The following DGKI variants were observed in gnomAD, a reference collection of about 807,000 sequenced individuals.
DGKI encodes the protein DAG kinase iota.
DGKI carries 55 observed loss-of-function variants against 147.5 expected under a neutral mutation model. The observed-to-expected ratio is 0.37, with a 90% CI of 0.30 to 0.47. The LOEUF is 0.47. DGKI is among the 20% of genes least tolerant of loss of function. The pLI, the probability that DGKI is intolerant of heterozygous loss-of-function variation, is 1.00. For missense variants in DGKI, 1,007 were observed against 1,323.8 expected (o/e 0.76, Z 3.71); for synonymous variants, 469 against 477.1 (o/e 0.98, Z 0.22).
At chr7:137,843,503 C>CAA (rs1158006061) in intron 1 of DGKI, 1 of 818,550 alleles carries the variant, frequency 1.2e-6, no homozygotes, top group Non-Finnish European at 1.5e-6. Flanking sequence ...AAATGGTTCT[C>CAA]AAAAAAAGCC....
At chr7:137,434,486 CAGG>C (rs1813207079) in intron 28 of DGKI, among the ~76,000 whole-genome samples, 2 of 152,118 alleles carry the variant, frequency 1.3e-5, no homozygotes, top group Non-Finnish European at 2.9e-5. Context: ...AAGGCTGAGA[CAGG>C]AGAATTGCTT....
At chr7:137,519,712 T>C (rs974633953) in intron 21 of DGKI, among the ~76,000 whole-genome samples, 1 of 152,082 alleles carries the variant, frequency 6.6e-6, no homozygotes, top group East Asian at 1.9e-4. Flanking sequence ...TGTTTCAAGT[T>C]GGAACCAGGC....
chr7:137,725,857 G>A lies in DGKI; in HGVS notation c.402-35855C>T, dbSNP rs553360091. On this transcript the variant is annotated intron_variant, in intron 1 of 32. Transcript: ENST00000614521. The stretch of plus-strand genomic sequence containing the variant: ...CTCTCTTCTTCTCTTTAAATCTACT[G>A]ACTGATTTTTATTAGACCCAACGTG... Among the ~76,000 whole-genome samples, 7 of 152,176 alleles carry A rather than the reference G, an allele frequency of 4.6e-5. No individual in the cohort carries two copies. The South Asian group carries it at 1.5e-3, about 32-fold the overall frequency.
At position 137,485,387 on chromosome 7, in the gene DGKI, C is replaced by G; in HGVS notation, c.2360G>C (p.Arg787Thr). Residue 787 changes from arginine to threonine, a missense_variant, in exon 23 of 33, where the codon AGA (arginine) becomes ACA (threonine). Physicochemically the swap from Arg to Thr is moderately conservative, Grantham distance 71 (BLOSUM62 -1). This residue lies in a region of DGKI where 385 missense variants were observed against 445.2 expected (regional missense o/e 0.86). Transcript: ENST00000614521. ...ATTATTTGTTACCTGGTAATGAACTCTCTGGGAGCCAGAAGAAACTGACTG... is the reference window on the plus strand; with the variant it reads ...ATTATTTGTTACCTGGTAATGAACTGTCTGGGAGCCAGAAGAAACTGACTG... The part of the protein sequence containing the change: ...DLQSVSSGSQ[R>T]VHYQDHETSF... The G allele has an allele frequency of 6.2e-7, 1 of 1,609,332 alleles. No individual in the cohort carries two copies. The highest frequency in any genetic ancestry group is 8.5e-7 in the Non-Finnish European group (1 of 1,177,518).
chr7:137,596,306 A>T (rs1819797782), intron 12 of DGKI, among the ~76,000 whole-genome samples: 1 of 152,204 alleles, frequency 6.6e-6, no homozygotes, highest in Non-Finnish European at 1.5e-5. Context: ...AGGCAAGTAG[A>T]TGCTAAAATA....
chr7:137,625,353 G>A (rs979595468), intron 6 of DGKI, among the ~76,000 whole-genome samples: 11 of 152,062 alleles, frequency 7.2e-5, no homozygotes, highest in African/African-American at 2.2e-4. Context: ...CCAGCTACTC[G>A]GGAGGCTGAG....
In DGKI at chr7:137,609,572, G is replaced by T; in HGVS notation, c.1031C>A (p.Thr344Lys). ...TTTACTGGCTTTTCTTTTAAAGCTT[G>T]TTCTCTTCTTCTTCCGATTTGAAGC... ...LKASNRKKKR[T>K]SFKRKASKRG... Residue 344 changes from threonine to lysine, a missense_variant, in exon 9 of 33, where the codon ACA becomes AAA. Transcript: ENST00000614521. 6.2e-7 allele frequency: 1 copy of T among 1,613,408 alleles called. No homozygotes were observed.
intron 23 of DGKI, among the ~76,000 whole-genome samples, chr7:137,472,320 T>TATAATATGTATATACATTAAA (rs57953468): frequency 8.1e-5 from 1 of 12,302 alleles, no homozygotes; most frequent in African/African-American, 1.7e-4. Context: ...ATACATATAA[T>TATAATATGTATATACATTAAA]TATTATATGT....
chr7:137,754,901 C>G (rs145618854), intron 1 of DGKI, among the ~76,000 whole-genome samples: 1 of 152,116 alleles, frequency 6.6e-6, no homozygotes, highest in Non-Finnish European at 1.5e-5. Context: ...AAATATCACA[C>G]GTGATGGAAC....
At chr7:137,669,814 A>C (rs1322830463) in intron 3 of DGKI, among the ~76,000 whole-genome samples, 1 of 152,232 alleles carries the variant, frequency 6.6e-6, no homozygotes, top group Non-Finnish European at 1.5e-5. Context: ...CTTTAGGTAG[A>C]AGTGAACAAC....
intron 31 of DGKI, among the ~76,000 whole-genome samples, chr7:137,397,012 C>T (rs1272951178): frequency 6.6e-6 from 1 of 152,078 alleles, no homozygotes; most frequent in Non-Finnish European, 1.5e-5. Context: ...GCAGTAGGGC[C>T]CCATTTTTTC....
intron 12 of DGKI, among the ~76,000 whole-genome samples, chr7:137,593,666 G>C (rs927685387): frequency 2.6e-5 from 4 of 152,192 alleles, no homozygotes; most frequent in Non-Finnish European, 5.9e-5. Flanking sequence ...ATATATGCTA[G>C]ATTTTGAAGA....
At chr7:137,818,337 C>T (rs1411876120) in intron 1 of DGKI, among the ~76,000 whole-genome samples, 1 of 152,192 alleles carries the variant, frequency 6.6e-6, no homozygotes, top group Non-Finnish European at 1.5e-5. Flanking sequence ...CCTCAGATGG[C>T]TCAAGTGGAC....
At chr7:137,844,307 T>C (rs1798646170) in intron 1 of DGKI, among the ~76,000 whole-genome samples, 1 of 152,232 alleles carries the variant, frequency 6.6e-6, no homozygotes, top group South Asian at 2.1e-4. Context: ...ATCTTTCCTC[T>C]GACTTTGAGA....
intron 1 of DGKI, among the ~76,000 whole-genome samples, chr7:137,843,792 CA>C (rs1798626839): frequency 2.0e-5 from 3 of 151,642 alleles, no homozygotes; most frequent in Non-Finnish European, 4.4e-5. Context: ...CACACACACA[CA>C]CACCCTCTCT....
At chr7:137,446,782 A>C (rs1813733555) in intron 27 of DGKI, among the ~76,000 whole-genome samples, 1 of 152,200 alleles carries the variant, frequency 6.6e-6, no homozygotes, top group Non-Finnish European at 1.5e-5. Context: ...CTCAGGAGAG[A>C]AGAAATATTC....
At chr7:137,436,160 A>G (rs1246912117) in intron 28 of DGKI, among the ~76,000 whole-genome samples, 1 of 152,170 alleles carries the variant, frequency 6.6e-6, no homozygotes, top group East Asian at 1.9e-4. Flanking sequence ...CTTTAAGGGA[A>G]TAGCTACCTT....
At chr7:137,408,862 T>G (rs1289542136) in intron 29 of DGKI, among the ~76,000 whole-genome samples, 2 of 152,186 alleles carry the variant, frequency 1.3e-5, no homozygotes, top group African/African-American at 4.8e-5. Flanking sequence ...AGTGCCTGCA[T>G]GAAGCTTCTA....
At chr7:137,725,839 C>A (rs1285649848) in intron 1 of DGKI, among the ~76,000 whole-genome samples, 1 of 152,162 alleles carries the variant, frequency 6.6e-6, no homozygotes, top group Non-Finnish European at 1.5e-5. Flanking sequence ...TAACTCTCTT[C>A]TTCTCTTTAA....
Sources: gnomAD v4.1 joint callset for allele counts (sites outside exome capture counted in the v4.1 genomes callset) on GRCh38, gnomAD v4.1.1 for gene constraint, gnomAD v4.1.1 regional missense constraint, MANE v1.5 for transcripts, NCBI Gene and HGNC (gene_info 2026-07-23, HGNC 2026-07-21) for gene names.